The following STS variants were observed in gnomAD, a reference collection of about 807,000 sequenced individuals.
The protein encoded by STS is steroid sulfatase.
STS carries 7 observed loss-of-function variants against 26.8 expected under a neutral mutation model. The observed-to-expected ratio is 0.26, with a 90% confidence interval of 0.15 to 0.49. STS has a LOEUF of 0.49. Among genes scored for constraint, STS ranks in the 20% least tolerant of loss-of-function variants. The pLI is 0.98. For synonymous variants in STS, 199 were observed against 189.4 expected, an observed-to-expected ratio of 1.05 and a Z score of -0.42; for missense variants, 434 against 465.6, an observed-to-expected ratio of 0.93 and a Z score of 0.63.
Position 7,205,278 on chromosome X carries a change from G to A in STS, c.-5+14270G>A, listed in dbSNP as rs114209603. Among the ~76,000 whole-genome samples the A allele has an allele frequency of 1.9e-3, 209 of 112,264 alleles. 1 individual carries two copies. The highest frequency in any genetic ancestry group is 5.8e-3 in the African/African-American group (180 of 30,918). ...TTTCATAGTGAGGAAGAGAAAGAAT[G>A]GGAATGTAATTATTGCAATTATTAT... On this transcript the variant is annotated intron_variant, in intron 2 of 10. Transcript: ENST00000674429.
chrX:7,207,929 G>A (rs1467381089), intron 2 of STS, among the ~76,000 whole-genome samples: 1 of 111,781 alleles, frequency 8.9e-6, no homozygotes, highest in Non-Finnish European at 1.9e-5. Flanking sequence ...TCTGCTTTAG[G>A]AGATGAGATG....
intron 2 of STS, among the ~76,000 whole-genome samples, chrX:7,201,696 G>A (rs1416747621): frequency 1.9e-5 from 2 of 107,293 alleles, no homozygotes; most frequent in African/African-American, 6.8e-5. Context: ...GTGTAGATGT[G>A]GGAGATCCGC....
At chrX:7,169,108 C>A (rs1216115520) in intron 1 of STS, among the ~76,000 whole-genome samples, 2 of 111,390 alleles carry the variant, frequency 1.8e-5, no homozygotes. Context: ...CCGAAAACAA[C>A]CCTATACCCT....
chrX:7,159,505 A>G (rs1009293554), intron 1 of STS, among the ~76,000 whole-genome samples: 20 of 112,166 alleles, frequency 1.8e-4, no homozygotes, highest in African/African-American at 6.5e-4. Flanking sequence ...AAAAATAATC[A>G]TCACTGTTTG....
chrX:7,168,698 T>C (rs1264665079), intron 1 of STS, among the ~76,000 whole-genome samples: 7 of 111,371 alleles, frequency 6.3e-5, no homozygotes, highest in Non-Finnish European at 1.1e-4. Flanking sequence ...ATATCATCTC[T>C]CAGTGATTGG....
chrX:7,189,019 GA>G (rs1240363921), intron 1 of STS, among the ~76,000 whole-genome samples: 10 of 111,156 alleles, frequency 9.0e-5, no homozygotes, highest in Admixed American at 1.9e-4. Context: ...TCTCTGGGGG[GA>G]AAAAATAACA....
At chrX:7,316,026 G>A (rs748011778) in intron 8 of STS, among the ~76,000 whole-genome samples, 23 of 111,842 alleles carry the variant, frequency 2.1e-4, no homozygotes, top group Middle Eastern at 4.6e-3. Context: ...AGAACTTTCC[G>A]GAGAGCAGAG....
At chrX:7,232,229 G>C (rs1263996058) in intron 2 of STS, among the ~76,000 whole-genome samples, 1 of 112,151 alleles carries the variant, frequency 8.9e-6, no homozygotes, top group African/African-American at 3.2e-5. Flanking sequence ...AGCTCTGGGG[G>C]AAATGGAGTC....
chrX:7,324,488 A>C (rs141595577), intron 8 of STS, among the ~76,000 whole-genome samples: 17 of 112,249 alleles, frequency 1.5e-4, no homozygotes, highest in East Asian at 1.1e-3. Context: ...CACAAGAGAC[A>C]GCTTTGTGGG....
chrX:7,320,452 G>T lies in STS; in HGVS notation c.1082-4887G>T, dbSNP rs181408337. Among the ~76,000 whole-genome samples the T allele has an allele frequency of 7.6e-3, 845 of 110,930 alleles. 6 individuals are homozygous for T. Among genetic ancestry groups the T allele is most frequent in the Non-Finnish European group, 9.8e-3 (521 of 53,064 alleles). On this transcript the variant is annotated intron_variant, in intron 8 of 10. Coordinates refer to ENST00000674429, the MANE Select transcript of STS (RefSeq NM_001320752.2). ...ATTTAATAGTTTGGTTTTTGTTCCT[G>T]TTTATTTATGCTGTTTTATTTAAAA...
At chrX:7,245,459 C>T (rs1254750898) in intron 2 of STS, among the ~76,000 whole-genome samples, 1 of 112,020 alleles carries the variant, frequency 8.9e-6, no homozygotes, top group Non-Finnish European at 1.9e-5. Flanking sequence ...TCAACCAGCC[C>T]CTGCTCACAT....
chrX:7,269,977 GAAAAAAA>G (rs765908214), intron 6 of STS, among the ~76,000 whole-genome samples: 24 of 111,194 alleles, frequency 2.2e-4, no homozygotes, highest in African/African-American at 7.2e-4. Flanking sequence ...ATGGCAGACA[GAAAAAAA>G]ATGCCTTAGC....
chrX:7,186,038 T>C (rs1933766745), intron 1 of STS, among the ~76,000 whole-genome samples: 1 of 112,046 alleles, frequency 8.9e-6, no homozygotes, highest in Non-Finnish European at 1.9e-5. Flanking sequence ...GAGGTTGGAC[T>C]TGTGAAAATG....
intron 7 of STS, among the ~76,000 whole-genome samples, chrX:7,281,961 G>C (rs1433804391): frequency 8.9e-6 from 1 of 112,128 alleles, no homozygotes; most frequent in Non-Finnish European, 1.9e-5. Flanking sequence ...GGGCCATGGG[G>C]AAAACTTCCC....
chrX:7,333,729 T>G (rs1748104668), intron 9 of STS, among the ~76,000 whole-genome samples: 1 of 112,820 alleles, frequency 8.9e-6, no homozygotes, highest in Non-Finnish European at 1.9e-5. Context: ...GGCAAATTAC[T>G]TAACCTTTCT....
intron 10 of STS, among the ~76,000 whole-genome samples, chrX:7,336,438 T>G (rs1252281716): frequency 8.9e-6 from 1 of 111,937 alleles, no homozygotes; most frequent in African/African-American, 3.2e-5. Context: ...ATTACAACCT[T>G]TCTATTAGCC....
chrX:7,265,866 T>C (rs773998335), intron 6 of STS, among the ~76,000 whole-genome samples: 1 of 112,403 alleles, frequency 8.9e-6, no homozygotes, highest in African/African-American at 3.2e-5. Context: ...CAAAATATAA[T>C]ATCCAAGGGT....
At chrX:7,339,135 A>T (rs1199925353) in intron 10 of STS, among the ~76,000 whole-genome samples, 1 of 112,289 alleles carries the variant, frequency 8.9e-6, no homozygotes, top group Non-Finnish European at 1.9e-5. Flanking sequence ...AGAAATTCTC[A>T]TAACAGCCAC....
At chrX:7,165,283 A>C (rs1044041686) in intron 1 of STS, among the ~76,000 whole-genome samples, 8 of 109,259 alleles carry the variant, frequency 7.3e-5, no homozygotes, top group African/African-American at 2.7e-4. Flanking sequence ...ATGACTCCAG[A>C]CATTGTCCAA....
Sources: allele counts gnomAD v4.1 joint callset (sites outside exome capture counted in the v4.1 genomes callset), GRCh38; gene constraint gnomAD v4.1.1; transcripts MANE v1.5; gene names NCBI Gene and HGNC (gene_info 2026-07-23, HGNC 2026-07-21).